The following ADAP2 variants were observed in gnomAD, a reference collection of about 807,000 sequenced individuals.
ADAP2 encodes the protein ArfGAP with dual PH domains 2.
A neutral mutation model predicts 54.9 loss-of-function variants in ADAP2; 42 were observed. The ratio of observed to expected loss-of-function variants is 0.77; its 90% CI spans 0.60 to 0.99. The LOEUF (loss-of-function observed/expected upper bound fraction) is 0.99, where lower values mean the gene tolerates loss of function less well. ADAP2 is among the 50% of genes least tolerant of loss of function. The pLI, the probability that ADAP2 is intolerant of heterozygous loss-of-function variation, is 0.00. For missense variants in ADAP2, 429 were observed against 480.4 expected (o/e 0.89, Z 1.00); for synonymous variants, 177 against 180.1 (o/e 0.98, Z 0.14).
At chr17:30,931,777 C>T (rs1049717811) in intron 3 of ADAP2, 112 bp from the exon 4 acceptor site, 18 of 702,588 alleles carry the variant, frequency 2.6e-5, no homozygotes, top group African/African-American at 1.3e-4. Context: ...GCCGTGATCA[C>T]GTGATCACAC....
intron 5 of ADAP2, among the ~76,000 whole-genome samples, chr17:30,939,426 T>A (rs1402029062): frequency 1.6e-5 from 2 of 125,928 alleles, no homozygotes; most frequent in African/African-American, 6.2e-5. Flanking sequence ...ATAAAGAAAG[T>A]GAAACTGAAA....
At chr17:30,932,009 T>C (rs765581330) in intron 4 of ADAP2, 41 bp downstream of exon 4, 1 of 1,587,986 alleles carries the variant, frequency 6.3e-7, no homozygotes, top group African/African-American at 1.3e-5. Context: ...TATGTTTTAA[T>C]GAGCTCTAGA....
intron 4 of ADAP2, among the ~76,000 whole-genome samples, chr17:30,932,231 T>TC (rs1491404508): frequency 9.1e-6 from 1 of 110,030 alleles, no homozygotes; most frequent in African/African-American, 6.6e-5. Context: ...GTACAGACTC[T>TC]TTTTTTTTTT....
rs368440544 is a variant in ADAP2, at chr17:30,957,880, G to A, written c.*11G>A. 5.0e-6 allele frequency: 8 copies of A among 1,612,094 alleles called. No individual in the cohort carries two copies. The highest frequency in any genetic ancestry group is 6.8e-6 in the Non-Finnish European group (8 of 1,179,188). On this transcript the variant is annotated 3_prime_UTR_variant, in exon 11 of 11. Coordinates refer to ENST00000330889, the MANE Select transcript of ADAP2 (RefSeq NM_018404.3). ...CGCAGCAGCAGGTGACCCATTAACT[G>A]AGGAACTGGCTGCCACTGAACACCT...
chr17:30,951,395 C>T (rs773416910), intron 7 of ADAP2, among the ~76,000 whole-genome samples: 5 of 151,942 alleles, frequency 3.3e-5, no homozygotes, highest in Admixed American at 6.6e-5. Flanking sequence ...TTGAGCAGTT[C>T]GGGACTCCAT....
chr17:30,935,916 T>C (rs975109221), intron 5 of ADAP2, among the ~76,000 whole-genome samples: 7 of 152,170 alleles, frequency 4.6e-5, no homozygotes, highest in African/African-American at 1.7e-4. Context: ...TAACAGTTTA[T>C]TGAGATACAA....
At chr17:30,923,139 C>T in intron 2 of ADAP2, 69 bp downstream of exon 2, 2 of 1,572,812 alleles carry the variant, frequency 1.3e-6, no homozygotes, top group South Asian at 1.1e-5. Flanking sequence ...GCAGGGGGCT[C>T]CCATTCTACA....
chr17:30,934,466 A>G (rs947633719), intron 5 of ADAP2, among the ~76,000 whole-genome samples, 169 bp downstream of exon 5: 2 of 152,172 alleles, frequency 1.3e-5, no homozygotes, highest in African/African-American at 4.8e-5. Flanking sequence ...CAGTCCACCA[A>G]AAATCATACT....
intron 4 of ADAP2, 55 bp downstream of exon 4, chr17:30,932,023 A>G: frequency 1.3e-6 from 2 of 1,526,994 alleles, no homozygotes; most frequent in East Asian, 2.3e-5. Context: ...CTCTAGAAAA[A>G]CCAAGTGCCT....
At chr17:30,926,151 G>C (rs1327030127) in intron 2 of ADAP2, among the ~76,000 whole-genome samples, 2 of 152,208 alleles carry the variant, frequency 1.3e-5, no homozygotes, top group Admixed American at 6.5e-5. Context: ...GGCCCCTGCA[G>C]AGGAGAAGAG....
chr17:30,956,252 G>A lies in ADAP2; in HGVS notation c.894G>A (p.Glu298=). ...LYYKNPLDAF[E]QGQVFLGNKE... ...CTCTCCATTTTCAGGATGCCTTCGAGCAGGGCCAGGTTTTTCTTGGGAACA... is the reference window on the plus strand; with the variant it reads ...CTCTCCATTTTCAGGATGCCTTCGAACAGGGCCAGGTTTTTCTTGGGAACA... Residue 298 remains glutamate, a synonymous_variant, in exon 10 of 11, where the codon GAG becomes GAA. Transcript: ENST00000330889. The A allele has an allele frequency of 1.2e-6, 2 of 1,614,132 alleles. No individual in the cohort carries two copies. The highest frequency in any genetic ancestry group is 1.7e-6 in the Non-Finnish European group (2 of 1,180,022).
chr17:30,927,851 C>A (rs1447075847), intron 3 of ADAP2, among the ~76,000 whole-genome samples: 2 of 151,856 alleles, frequency 1.3e-5, no homozygotes, highest in Admixed American at 1.3e-4. Context: ...AAGACCCTGT[C>A]TCTACAAAAA....
chr17:30,927,735 A>G (rs2142510983), intron 3 of ADAP2, among the ~76,000 whole-genome samples: 2 of 152,042 alleles, frequency 1.3e-5, no homozygotes, highest in Middle Eastern at 3.5e-3. Context: ...AAATAAGAAT[A>G]ACAGCCAGGC....
intron 2 of ADAP2, among the ~76,000 whole-genome samples, chr17:30,924,812 A>C (rs559692266): frequency 8.2e-4 from 125 of 152,246 alleles, no homozygotes; most frequent in African/African-American, 2.9e-3. Context: ...CCAGCACATA[A>C]ACCTGAAGGA....
intron 3 of ADAP2, among the ~76,000 whole-genome samples, chr17:30,930,515 G>A (rs763145196): frequency 2.6e-5 from 4 of 152,166 alleles, no homozygotes; most frequent in African/African-American, 4.8e-5. Context: ...TACTCTCTCT[G>A]GCTCTCTTTC....
chr17:30,924,221 A>T (rs1466139885), intron 2 of ADAP2, among the ~76,000 whole-genome samples: 1 of 152,066 alleles, frequency 6.6e-6, no homozygotes. Flanking sequence ...AAAAATACAA[A>T]AATTAGCTGG....
At position 30,956,332 on chromosome 17, in the gene ADAP2, G is replaced by A. The variant is rs956226574; in HGVS notation, c.974G>A (p.Arg325His). 7 of 1,614,084 alleles carry A rather than the reference G, an allele frequency of 4.3e-6. No individual in the cohort carries two copies. Among genetic ancestry groups the A allele is most frequent in the East Asian group, 2.2e-5 (1 of 44,892 alleles). Reference sequence around the variant, plus strand: ...CTGCCCAAGGGCATCCGAGGAAATCGCTGGAAAGCCGGACTCACCATTGTC... The same window carrying A: ...CTGCCCAAGGGCATCCGAGGAAATCACTGGAAAGCCGGACTCACCATTGTC... ...EDLPKGIRGN[R>H]WKAGLTIVTP... The change falls in exon 10 of 11, where the codon CGC becomes CAC. Residue 325 changes from arginine to histidine, a missense_variant. By Grantham distance (29) the Arg-to-His change is conservative (BLOSUM62 0). Coordinates refer to ENST00000330889, the MANE Select transcript of ADAP2 (RefSeq NM_018404.3).
At chr17:30,949,505 T>C (rs1332835210) in intron 7 of ADAP2, 135 bp downstream of exon 7, 17 of 718,754 alleles carry the variant, frequency 2.4e-5, no homozygotes, top group Admixed American at 2.3e-4. Context: ...TCCCAGCACT[T>C]TGGGAGGCTG....
intron 4 of ADAP2, among the ~76,000 whole-genome samples, chr17:30,933,854 T>C (rs991923022): frequency 7.2e-5 from 11 of 152,198 alleles, no homozygotes; most frequent in Non-Finnish European, 1.5e-4. Flanking sequence ...GGACCATATG[T>C]ATTTAGTATG....
Sources: gnomAD v4.1 joint callset for allele counts (sites outside exome capture counted in the v4.1 genomes callset) on GRCh38, gnomAD v4.1.1 for gene constraint, MANE v1.5 for transcripts, NCBI Gene and HGNC (gene_info 2026-07-23, HGNC 2026-07-21) for gene names.